Variants in NOP14 observed in about 807,000 individuals in gnomAD.
NOP14 encodes the protein nucleolar protein 14.
NOP14 carries 57 observed loss-of-function variants against 101.6 expected under a neutral mutation model. The observed-to-expected ratio is 0.56, with a 90% CI of 0.45 to 0.70. The LOEUF is 0.70. NOP14 is among the 30% of genes least tolerant of loss of function. The pLI is 0.00. For synonymous variants in NOP14, 428 were observed against 424.0 expected (o/e 1.01, Z -0.12); for missense variants, 1,134 against 1,075.5 (o/e 1.05, Z -0.76).
intron 15 of NOP14, 104 bp downstream of exon 15, chr4:2,941,478 G>A (rs1714180472): frequency 1.9e-6 from 2 of 1,063,524 alleles, no homozygotes; most frequent in Middle Eastern, 3.1e-4. Flanking sequence ...AGATGGTGTT[G>A]ACTTACAGCT....
chr4:2,944,357 A>G, intron 12 of NOP14, 131 bp from the exon 13 acceptor site: 1 of 631,148 alleles, frequency 1.6e-6, no homozygotes. Flanking sequence ...CCCGCACCTT[A>G]TAGCAGTGTC....
At chr4:2,946,752 G>A (rs1714673352) in intron 10 of NOP14, 1 of 566,824 alleles carries the variant, frequency 1.8e-6, no homozygotes, top group South Asian at 2.1e-5. Context: ...TGGACTGGAG[G>A]TGGTGGGAGA....
Position 2,944,173 on chromosome 4 carries a change from C to G in NOP14, c.1791G>C (p.Leu597=). 1 of 1,614,130 alleles carries G rather than the reference C, an allele frequency of 6.2e-7. No individual in the cohort carries two copies. The highest frequency in any genetic ancestry group is 1.1e-5 in the South Asian group (1 of 91,074). The stretch of plus-strand genomic sequence containing the variant: ...GGGACAAAGCCACATACTCCAGGAA[C>G]AGGCAGCACACGAACAGGCCCTTCA... ...DVVKGLFVCC[L]FLEYVALSQR... is the part of the protein sequence containing the mutation. The change falls in exon 13 of 18, where the codon CTG becomes CTC. Residue 597 remains leucine, a synonymous_variant. Coordinates refer to ENST00000416614, the MANE Select transcript of NOP14 (RefSeq NM_001291978.2).
At chr4:2,956,859 C>T in intron 2 of NOP14, 48 bp from the exon 3 acceptor site, 6 of 1,459,688 alleles carry the variant, frequency 4.1e-6, no homozygotes, top group Admixed American at 4.5e-5. Context: ...TTCCATTTCA[C>T]AGCAAAAAAA....
At position 2,957,748 on chromosome 4, in the gene NOP14, A is replaced by G; in HGVS notation, c.196-8T>C. On this transcript the variant is annotated splice_polypyrimidine_tract_variant and splice_region_variant and intron_variant, in intron 1 of 17. Coordinates refer to ENST00000416614, the MANE Select transcript of NOP14 (RefSeq NM_001291978.2). ...TAGTAAAGTCTGTGTACGCTGGAAA[A>G]CAGGTCAGAAACAATCTCACAAAAA... The G allele has an allele frequency of 6.2e-7, 1 of 1,612,946 alleles. No homozygotes were observed. The highest frequency in any genetic ancestry group is 8.5e-7 in the Non-Finnish European group (1 of 1,179,404).
chr4:2,956,501 C>A (rs1282109444), intron 3 of NOP14, among the ~76,000 whole-genome samples, 169 bp downstream of exon 3: 3 of 151,380 alleles, frequency 2.0e-5, no homozygotes, highest in South Asian at 4.2e-4. Context: ...AAAAAAAAAA[C>A]AAAAATACAT....
chr4:2,946,016 C>T (rs1714601877), intron 11 of NOP14, among the ~76,000 whole-genome samples: 1 of 30,640 alleles, frequency 3.3e-5, no homozygotes. Flanking sequence ...TGCACTCTCA[C>T]TCCAGATCAC....
chr4:2,954,679 G>A, intron 3 of NOP14, 116 bp from the exon 4 acceptor site: 1 of 1,287,172 alleles, frequency 7.8e-7, no homozygotes, highest in South Asian at 1.5e-5. Flanking sequence ...CCACATTTGA[G>A]AAAAAAATGC....
At position 2,941,622 on chromosome 4, in the gene NOP14, G is replaced by T. The variant is rs368745070; in HGVS notation, c.2159C>A (p.Thr720Lys). Residue 720 changes from threonine to lysine, a missense_variant, in exon 15 of 18, where the codon ACG (threonine) becomes AAG (lysine). Coordinates refer to ENST00000416614, the MANE Select transcript of NOP14 (RefSeq NM_001291978.2). The stretch of plus-strand genomic sequence containing the variant: ...GTGGCTGCAGTCCGCCAGGTGATCC[G>T]TGAGGAGGGCTTGGAGAGGCCCCAT... Reference protein sequence around the residue: ...AIMGPLQALLTDHLADCSHPQ... With the variant: ...AIMGPLQALLKDHLADCSHPQ... The T allele has an allele frequency of 2.5e-6, 4 of 1,613,142 alleles. No individual in the cohort carries two copies. In the Admixed American group the frequency reaches 5.0e-5, roughly 20 times the overall value.
chr4:2,942,409 G>C, intron 13 of NOP14, 58 bp from the exon 14 acceptor site: 1 of 1,547,506 alleles, frequency 6.5e-7, no homozygotes, highest in Non-Finnish European at 8.9e-7. Context: ...CTCCCAGCAG[G>C]CTCTGCGGCA....
Position 2,939,607 on chromosome 4 carries a change from C to G in NOP14, c.2238G>C (p.Gln746His), listed in dbSNP as rs770027682. ...CQSTLTEMES[Q>H]KQLCRPLTCE... ...AGGTCAGCGGCCGGCAGAGCTGCTTCTGGCTTTCCATTTCGGTCAGTGTGC... is the reference window on the plus strand; with the variant it reads ...AGGTCAGCGGCCGGCAGAGCTGCTTGTGGCTTTCCATTTCGGTCAGTGTGC... The change falls in exon 16 of 18, where the codon CAG (glutamine) becomes CAC (histidine). Residue 746 changes from glutamine (Q) to histidine (H), a missense_variant. Transcript: ENST00000416614. The G allele has an allele frequency of 6.2e-6, 10 of 1,613,950 alleles. No individual in the cohort carries two copies. In the East Asian group the frequency reaches 2.0e-4, roughly 32 times the overall value.
chr4:2,950,414 C>T, intron 7 of NOP14: 1 of 613,124 alleles, frequency 1.6e-6, no homozygotes, highest in Non-Finnish European at 2.9e-6. Flanking sequence ...GCAGGAGCTA[C>T]AGGCTGCTAG....
chr4:2,961,948 T>G (rs2109321927), intron 1 of NOP14, among the ~76,000 whole-genome samples: 1 of 152,314 alleles, frequency 6.6e-6, no homozygotes, highest in South Asian at 2.1e-4. Context: ...CTGTCCTATT[T>G]GGGTTACATA....
intron 1 of NOP14, chr4:2,961,462 G>A (rs1323257313): frequency 6.6e-6 from 1 of 152,126 alleles, no homozygotes. Context: ...ACTGACCAGA[G>A]GGGAGAAGCC....
At chr4:2,961,246 G>GTAACTATATTAATATATAC (rs1715865506) in intron 1 of NOP14, 3 of 129,926 alleles carry the variant, frequency 2.3e-5, no homozygotes, top group South Asian at 2.6e-4. Context: ...TTAATATATA[G>GTAACTATATTAATATATAC]TAACTATATT....
At chr4:2,954,283 C>G in intron 4 of NOP14, 141 bp downstream of exon 4, 1 of 974,310 alleles carries the variant, frequency 1.0e-6, no homozygotes, top group Non-Finnish European at 1.5e-6. Context: ...TTTAAAATTC[C>G]TACTCACAAT....
Position 2,944,169 on chromosome 4 carries a change from G to A in NOP14, c.1795C>T (p.Leu599=), listed in dbSNP as rs1215098222. The A allele has an allele frequency of 6.2e-6, 10 of 1,614,102 alleles. No homozygotes were observed. Among genetic ancestry groups the A allele is most frequent in the Non-Finnish European group, 7.6e-6 (9 of 1,179,980 alleles). The change falls in exon 13 of 18, where the codon CTG becomes TTG. Residue 599 remains leucine (L), a synonymous_variant. Coordinates refer to ENST00000416614, the MANE Select transcript of NOP14 (RefSeq NM_001291978.2). ...VKGLFVCCLF[L]EYVALSQRFI... ...CTCTGGGACAAAGCCACATACTCCAGGAACAGGCAGCACACGAACAGGCCC... is the reference window on the plus strand; with the variant it reads ...CTCTGGGACAAAGCCACATACTCCAAGAACAGGCAGCACACGAACAGGCCC...
At chr4:2,944,952 C>A (rs570131919) in intron 12 of NOP14, among the ~76,000 whole-genome samples, 176 bp downstream of exon 12, 16 of 152,362 alleles carry the variant, frequency 1.1e-4, no homozygotes, top group African/African-American at 3.6e-4. Flanking sequence ...CCACCCACAT[C>A]TGGGGCTGCT....
intron 3 of NOP14, among the ~76,000 whole-genome samples, chr4:2,955,788 G>T (rs1020481011): frequency 6.6e-6 from 1 of 152,254 alleles, no homozygotes; most frequent in Non-Finnish European, 1.5e-5. Flanking sequence ...CTTCACGCCC[G>T]TGAAGCCGAG....
Sources: gnomAD v4.1 joint callset for allele counts (sites outside exome capture counted in the v4.1 genomes callset) on GRCh38, gnomAD v4.1.1 for gene constraint, MANE v1.5 for transcripts, NCBI Gene and HGNC (gene_info 2026-07-23, HGNC 2026-07-21) for gene names.